Variants in SMG1 observed in about 807,000 individuals in gnomAD.
SMG1 encodes the protein serine/threonine-protein kinase SMG1.
Under a neutral mutation model 419.9 loss-of-function variants are expected in SMG1, and 22 were observed. The ratio of observed to expected loss-of-function variants is 0.05; its 90% CI spans 0.04 to 0.07. SMG1 has a LOEUF of 0.07. SMG1 is among the 10% of genes least tolerant of loss of function. The pLI is 1.00. For synonymous variants in SMG1, 1,538 were observed against 1,553.5 expected (o/e 0.99, Z 0.23); for missense variants, 3,185 against 4,342.0 (o/e 0.73, Z 7.49).
intron 4 of SMG1, among the ~76,000 whole-genome samples, chr16:18,891,238 A>G (rs554831086): frequency 6.6e-6 from 1 of 152,354 alleles, no homozygotes; most frequent in South Asian, 2.1e-4. Context: ...ACATGTGACA[A>G]GGCAGTATTT....
intron 39 of SMG1, 99 bp downstream of exon 39, chr16:18,845,330 T>C (rs2034196335): frequency 3.0e-6 from 3 of 999,756 alleles, no homozygotes; most frequent in Non-Finnish European, 4.4e-6. Context: ...GCTTATAAAA[T>C]CTCTTACATT....
chr16:18,913,140 CA>C lies in SMG1; in HGVS notation c.92+12809del. 1.3e-5 allele frequency among the ~76,000 whole-genome samples: 2 copies of C among 152,140 alleles called. 1 individual carries two copies. The highest frequency in any genetic ancestry group is 6.8e-3 in the Middle Eastern group (2 of 294). On this transcript the variant is annotated intron_variant, in intron 1 of 62. Transcript: ENST00000446231. ...CACATAAGTAGGTTTTTCTGTCTGG[CA>C]AATCTGAAGAAGTCAACGTAGAATC...
intron 33 of SMG1, among the ~76,000 whole-genome samples, chr16:18,850,746 A>T (rs1028182733): frequency 1.3e-5 from 2 of 152,032 alleles, no homozygotes; most frequent in African/African-American, 2.4e-5. Context: ...ACAGTATTCT[A>T]CCTGCAGAAA....
intron 5 of SMG1, among the ~76,000 whole-genome samples, chr16:18,890,635 G>A (rs2036834165): frequency 6.6e-6 from 1 of 152,188 alleles, no homozygotes. Flanking sequence ...GGGCGACAGG[G>A]TGAGACTCCG....
At position 18,892,348 on chromosome 16, in the gene SMG1, G is replaced by A. The variant is rs755122510; in HGVS notation, c.419C>T (p.Ser140Leu). ...TCGAGACTCATCAGAATAAGACATC[G>A]ATCTCTCTGTGAATATATAAACATT... ...TKDMRKSQERSMSYSDESRLS... is the reference protein window; with the variant it reads ...TKDMRKSQERLMSYSDESRLS... Residue 140 changes from serine (S) to leucine (L), a missense_variant, in exon 4 of 63, where the codon TCG becomes TTG. Physicochemically the swap from Ser to Leu is moderately radical, Grantham distance 145 (BLOSUM62 -2). Around this residue, in one of 27 missense-constraint regions of SMG1, gnomAD observed 42 missense variants for 100.1 expected, o/e 0.42. Coordinates refer to ENST00000446231, the MANE Select transcript of SMG1 (RefSeq NM_015092.5). 18 of 1,548,806 alleles carry A rather than the reference G, an allele frequency of 1.2e-5. No individual in the cohort carries two copies. Among genetic ancestry groups the A allele is most frequent in the South Asian group, 2.4e-5 (2 of 83,944 alleles).
intron 34 of SMG1, 38 bp from the exon 35 acceptor site, chr16:18,850,164 A>G: frequency 3.1e-6 from 5 of 1,597,760 alleles, no homozygotes; most frequent in Non-Finnish European, 4.3e-6. Context: ...TAAGAAAATA[A>G]CTCAGAACAC....
Position 18,842,415 on chromosome 16 carries a change from T to G in SMG1, c.6259A>C (p.Ser2087Arg). 1.2e-6 allele frequency: 2 copies of G among 1,613,984 alleles called. No homozygotes were observed. Among genetic ancestry groups the G allele is most frequent in the Non-Finnish European group, 8.5e-7 (1 of 1,179,844 alleles). ...ATTTCTTCAAGACGCAAGATGTAAC[T>G]TGCACGTTTCTGTGCTCTCTGTTGC... Reference protein sequence around the residue: ...SLQQRAQKRASYILRLEEISP... With the variant: ...SLQQRAQKRARYILRLEEISP... The change falls in exon 40 of 63, where the codon AGT becomes CGT. Residue 2087 changes from serine (S) to arginine (R), a missense_variant. Transcript: ENST00000446231.
intron 46 of SMG1, among the ~76,000 whole-genome samples, chr16:18,836,780 T>C (rs1224888524): frequency 1.3e-5 from 2 of 152,246 alleles, no homozygotes; most frequent in Non-Finnish European, 2.9e-5. Context: ...TAGAGACTGA[T>C]GCTTGACAGA....
intron 54 of SMG1, 147 bp downstream of exon 54, chr16:18,829,139 T>A (rs1241376867): frequency 1.6e-6 from 1 of 631,040 alleles, no homozygotes; most frequent in Non-Finnish European, 2.7e-6. Context: ...GGAAAGAAAG[T>A]GCCAAAATGC....
chr16:18,870,721 A>G lies in SMG1; in HGVS notation c.2391-10T>C. ...GCAAACATCGACACATCTATGAAAG[A>G]ACGAAATAGACAAAGCAGGTGTGTT... is the stretch of plus-strand genomic sequence containing the variant. On this transcript the variant is annotated splice_polypyrimidine_tract_variant and intron_variant, in intron 17 of 62. Transcript: ENST00000446231. The G allele has an allele frequency of 1.3e-6, 2 of 1,599,982 alleles. No individual in the cohort carries two copies. Among genetic ancestry groups the G allele is most frequent in the East Asian group, 4.5e-5 (2 of 44,750 alleles).
chr16:18,845,824 G>GT (rs150457031), intron 38 of SMG1, among the ~76,000 whole-genome samples, 173 bp from the exon 39 acceptor site: 2,951 of 150,660 alleles, frequency 0.02, 89 homozygotes, highest in African/African-American at 0.068. Context: ...TTTTGGTTTT[G>GT]TTTTTTTTTG....
At chr16:18,901,510 G>A (rs1476978842) in intron 1 of SMG1, among the ~76,000 whole-genome samples, 4 of 152,076 alleles carry the variant, frequency 2.6e-5, no homozygotes, top group African/African-American at 9.7e-5. Context: ...GACCACATCT[G>A]GACTGTCACC....
intron 39 of SMG1, among the ~76,000 whole-genome samples, chr16:18,845,152 C>T (rs1439798876): frequency 2.0e-5 from 3 of 152,210 alleles, no homozygotes; most frequent in Non-Finnish European, 4.4e-5. Context: ...CAGCCCCTTC[C>T]TTGGCTAATT....
At chr16:18,859,229 C>T (rs1596536625) in intron 27 of SMG1, 48 bp from the exon 28 acceptor site, 2 of 1,439,128 alleles carry the variant, frequency 1.4e-6, no homozygotes, top group East Asian at 4.9e-5. Flanking sequence ...CAATTCATAA[C>T]CACTCAAAGA....
At chr16:18,916,494 C>A (rs570011022) in intron 1 of SMG1, among the ~76,000 whole-genome samples, 1 of 118,580 alleles carries the variant, frequency 8.4e-6, no homozygotes, top group Non-Finnish European at 1.6e-5. Context: ...CCAGCGTGGG[C>A]GACGGTGAGA....
At chr16:18,846,803 A>C (rs2034293228) in intron 38 of SMG1, among the ~76,000 whole-genome samples, 1 of 152,224 alleles carries the variant, frequency 6.6e-6, no homozygotes, top group African/African-American at 2.4e-5. Flanking sequence ...CACTGTGGAA[A>C]AGTTTGTTGG....
At chr16:18,908,476 C>CAAAAAAA (rs59890240) in intron 1 of SMG1, among the ~76,000 whole-genome samples, 1 of 83,706 alleles carries the variant, frequency 1.2e-5, no homozygotes, top group Non-Finnish European at 2.3e-5. Context: ...GACTCCGTCT[C>CAAAAAAA]AAAAAAAAAA....
At chr16:18,875,484 G>C (rs562511906) in intron 13 of SMG1, 1 of 152,752 alleles carries the variant, frequency 6.5e-6, no homozygotes, top group African/African-American at 2.4e-5. Flanking sequence ...CGAGCTACCT[G>C]GGAGGCTGAA....
At chr16:18,835,492 T>C (rs1341677477) in intron 48 of SMG1, among the ~76,000 whole-genome samples, 4 of 151,932 alleles carry the variant, frequency 2.6e-5, no homozygotes, top group Admixed American at 2.6e-4. Context: ...AATATAAAAA[T>C]TGTTCAGGCG....
Sources: gnomAD v4.1 joint callset for allele counts (sites outside exome capture counted in the v4.1 genomes callset) on GRCh38, gnomAD v4.1.1 for gene constraint, gnomAD v4.1.1 regional missense constraint, MANE v1.5 for transcripts, NCBI Gene and HGNC (gene_info 2026-07-23, HGNC 2026-07-21) for gene names.